Variants in MAP3K20 observed in about 807,000 individuals in gnomAD.
The protein encoded by MAP3K20 is HCCS-4.
MAP3K20 carries 40 observed loss-of-function variants against 85.7 expected under a neutral mutation model. The ratio of observed to expected loss-of-function variants is 0.47; its 90% CI spans 0.36 to 0.61. The LOEUF is 0.61. Ranked by LOEUF, MAP3K20 falls within the 20% of genes least tolerant of loss-of-function variation. The pLI is 0.00. For synonymous variants in MAP3K20, 325 were observed against 327.7 expected, an observed-to-expected ratio of 0.99 and a Z score of 0.09; for missense variants, 817 against 961.7, an observed-to-expected ratio of 0.85 and a Z score of 1.99.
chr2:173,156,685 C>T (rs556065892), intron 2 of MAP3K20, among the ~76,000 whole-genome samples: 189 of 152,280 alleles, frequency 1.2e-3, no homozygotes, highest in Middle Eastern at 3.4e-3. Flanking sequence ...GGAGCTCAGG[C>T]GGGAATGCTC....
At chr2:173,104,233 G>T (rs1687719453) in intron 2 of MAP3K20, among the ~76,000 whole-genome samples, 1 of 152,178 alleles carries the variant, frequency 6.6e-6, no homozygotes, top group African/African-American at 2.4e-5. Context: ...AATTAGTCAG[G>T]TTGATAACGT....
At chr2:173,255,657 CT>C (rs148162234) in intron 16 of MAP3K20, among the ~76,000 whole-genome samples, 4,128 of 152,276 alleles carry the variant, frequency 0.027, 92 homozygotes, top group African/African-American at 0.057. Context: ...TGATTTCTAG[CT>C]TGAAGTCATG....
At chr2:173,239,338 T>A in intron 15 of MAP3K20, 66 bp from the exon 16 acceptor site, 2 of 1,287,902 alleles carry the variant, frequency 1.6e-6, no homozygotes, top group Non-Finnish European at 2.1e-6. Context: ...TGCCAAGATA[T>A]CATCTTCTTT....
At chr2:173,260,721 T>G in intron 17 of MAP3K20, among the ~76,000 whole-genome samples, 1 of 152,362 alleles carries the variant, frequency 6.6e-6, no homozygotes, top group Admixed American at 6.5e-5. Context: ...TATGGATTTC[T>G]CTTAATTGTT....
Position 173,075,911 on chromosome 2 carries a change from C to T in MAP3K20, c.-126C>T, listed in dbSNP as rs1199737859. On this transcript the variant is annotated 5_prime_UTR_variant, in exon 1 of 20. Transcript: ENST00000375213. ...AACTGCAGCGGAAACGTGGGAGCCG[C>T]GCGGGCCGCTGTCGTCCCAACCCCC... is the stretch of plus-strand genomic sequence containing the variant. 5 of 984,258 alleles carry T rather than the reference C, an allele frequency of 5.1e-6. No homozygotes were observed. The African/African-American group carries it at 7.0e-5, about 14-fold the overall frequency. The allele number at this position is 984,258 out of a possible 1,614,324, so 61.0% of individuals were successfully genotyped here. A position where few individuals can be genotyped will look rare whatever the true frequency, so the allele number is the denominator to read the frequency against.
chr2:173,083,792 G>T (rs1687072821), intron 1 of MAP3K20, among the ~76,000 whole-genome samples: 1 of 152,100 alleles, frequency 6.6e-6, no homozygotes, highest in South Asian at 2.1e-4. Flanking sequence ...TAAATATCAA[G>T]GCAGCAAGTT....
At chr2:173,089,919 AAAAC>A (rs1348831166) in intron 1 of MAP3K20, among the ~76,000 whole-genome samples, 4 of 152,220 alleles carry the variant, frequency 2.6e-5, no homozygotes, top group Admixed American at 6.5e-5. Flanking sequence ...TTTTCTGCAA[AAAAC>A]AAACAAAAAA....
At position 173,266,244 on chromosome 2, in the gene MAP3K20, T is replaced by C. The variant is rs967796644; in HGVS notation, c.1897T>C (p.Ser633Pro). Residue 633 changes from serine to proline, a missense_variant, in exon 20 of 20, where the codon TCC becomes CCC. By Grantham distance (74) the Ser-to-Pro change is moderately conservative (BLOSUM62 -1). Coordinates refer to ENST00000375213, the MANE Select transcript of MAP3K20 (RefSeq NM_016653.3). ...TCAACAGATTACACCTGTGAACCAG[T>C]CCAGAAGCTCGTCTCCTACTCAGTA... is the stretch of plus-strand genomic sequence containing the variant. Reference protein sequence around the residue: ...KYQQITPVNQSRSSSPTQYGL... With the variant: ...KYQQITPVNQPRSSSPTQYGL... 9.3e-6 allele frequency: 15 copies of C among 1,613,954 alleles called. No homozygotes were observed. The highest frequency in any genetic ancestry group is 1.3e-5 in the Non-Finnish European group (15 of 1,180,006).
chr2:173,266,952 C>G lies in MAP3K20; in HGVS notation c.*202C>G, dbSNP rs1685440771. 3 of 426,904 alleles carry G rather than the reference C, an allele frequency of 7.0e-6. No individual in the cohort carries two copies. Among genetic ancestry groups the G allele is most frequent in the Non-Finnish European group, 1.2e-5 (3 of 246,674 alleles). The allele number at this position is 426,904 out of a possible 1,614,324, so 26.4% of individuals were successfully genotyped here. The stretch of plus-strand genomic sequence containing the variant: ...GATATTGGTCACCCAGTGATCATAA[C>G]TAGGCTTGAAAATCACTACACATAT... On this transcript the variant is annotated 3_prime_UTR_variant, in exon 20 of 20. Coordinates refer to ENST00000375213, the MANE Select transcript of MAP3K20 (RefSeq NM_016653.3).
chr2:173,128,787 C>T (rs1413589117), intron 2 of MAP3K20, among the ~76,000 whole-genome samples: 7 of 151,998 alleles, frequency 4.6e-5, no homozygotes, highest in Admixed American at 4.6e-4. Flanking sequence ...AACTAGATTC[C>T]CTTTAAATTA....
At chr2:173,141,616 G>GGA (rs1188451947) in intron 2 of MAP3K20, among the ~76,000 whole-genome samples, 2 of 151,768 alleles carry the variant, frequency 1.3e-5, no homozygotes, top group African/African-American at 2.4e-5. Context: ...CAGAAAGAAA[G>GGA]GAGAGAGAGA....
At chr2:173,208,879 G>A (rs971200163) in intron 9 of MAP3K20, among the ~76,000 whole-genome samples, 3 of 152,116 alleles carry the variant, frequency 2.0e-5, no homozygotes, top group Non-Finnish European at 2.9e-5. Context: ...TTCTCTTTTT[G>A]TTTTAACCTT....
intron 4 of MAP3K20, 70 bp downstream of exon 4, chr2:173,183,025 C>T (rs1690376692): frequency 5.8e-6 from 7 of 1,211,990 alleles, no homozygotes; most frequent in South Asian, 1.4e-5. Flanking sequence ...GGGGACTTAA[C>T]ATCAGAAAAT....
chr2:173,221,113 T>C lies in MAP3K20; in HGVS notation c.987+3863T>C, dbSNP rs190719397. The C allele has an allele frequency of 2.2e-4, 318 of 1,436,436 alleles. 1 individual carries two copies. In the African/African-American group the frequency reaches 3.7e-3, roughly 17 times the overall value. 89.0% of individuals were successfully genotyped at this position (1,436,436 alleles called of 1,614,324 possible). ...TTCCTGATTTAAATTGGTCCTAATT[T>C]CTCTTTTTACTTCTGTCCTTTCTTC... On this transcript the variant is annotated intron_variant, in intron 11 of 19. Transcript: ENST00000375213.
chr2:173,239,489 G>A lies in MAP3K20; in HGVS notation c.1352G>A (p.Gly451Asp), dbSNP rs1574147721. ...GGTTTTCACTTGAAACCAGGAACTG[G>A]CCCACAGGTAAATCACATTTTAAAT... is the stretch of plus-strand genomic sequence containing the variant. ...VFGFHLKPGT[G>D]PQDCKWKMYM... Residue 451 changes from glycine to aspartate, a missense_variant, in exon 16 of 20, where the codon GGC becomes GAC. Physicochemically the swap from Gly to Asp is moderately conservative, Grantham distance 94 (BLOSUM62 -1). This residue lies in a region of MAP3K20 where 454 missense variants were observed against 476.9 expected (regional missense o/e 0.95). Coordinates refer to ENST00000375213, the MANE Select transcript of MAP3K20 (RefSeq NM_016653.3). 5.0e-6 allele frequency: 8 copies of A among 1,610,592 alleles called. No homozygotes were observed. In the East Asian group the frequency reaches 1.8e-4, roughly 36 times the overall value.
chr2:173,087,010 A>C (rs1687164188), intron 1 of MAP3K20, among the ~76,000 whole-genome samples: 1 of 152,254 alleles, frequency 6.6e-6, no homozygotes, highest in Non-Finnish European at 1.5e-5. Context: ...TAAGTTTTAC[A>C]TGACTTGGTT....
chr2:173,134,428 A>ATATATATATATTTT (rs56330241), intron 2 of MAP3K20, among the ~76,000 whole-genome samples: 2 of 3,154 alleles, frequency 6.3e-4, no homozygotes, highest in Non-Finnish European at 1.3e-3. Flanking sequence ...ATATATATAT[A>ATATATATATATTTT]TTTTTTTTTT....
intron 2 of MAP3K20, among the ~76,000 whole-genome samples, chr2:173,147,589 CT>C (rs983471286): frequency 1.3e-5 from 2 of 151,826 alleles, no homozygotes; most frequent in African/African-American, 4.8e-5. Context: ...AAACTCCAGC[CT>C]TTTTTTTCTT....
intron 16 of MAP3K20, 114 bp from the exon 17 acceptor site, chr2:173,258,585 A>G: frequency 1.6e-6 from 1 of 613,286 alleles, no homozygotes; most frequent in African/African-American, 1.9e-5. Flanking sequence ...GGAAAAAAAA[A>G]AAAGCCACTC....
Sources: gnomAD v4.1 joint callset for allele counts (sites outside exome capture counted in the v4.1 genomes callset) on GRCh38, gnomAD v4.1.1 for gene constraint, gnomAD v4.1.1 regional missense constraint, MANE v1.5 for transcripts, NCBI Gene and HGNC (gene_info 2026-07-23, HGNC 2026-07-21) for gene names.